RFX7: variants seen among roughly 807,000 people sequenced by gnomAD.
RFX7 encodes the protein regulatory factor X7, also known as DNA-binding protein RFX7.
A neutral mutation model predicts 111.8 loss-of-function variants in RFX7; 26 were observed. The observed-to-expected ratio is 0.23, with a 90% CI of 0.17 to 0.32. RFX7 has a LOEUF of 0.32. Ranked by LOEUF, RFX7 falls within the 10% of genes least tolerant of loss-of-function variation. The probability of loss-of-function intolerance (pLI) is 1.00; values close to 1 mark genes in which losing one functional copy is unlikely to be tolerated. For synonymous variants in RFX7, 624 were observed against 624.4 expected (o/e 1.00, Z 0.01); for missense variants, 1,573 against 1,772.9 (o/e 0.89, Z 2.02).
rs548534431 is a variant in RFX7, at chr15:56,139,033, C to G, written c.401+3745G>C. The stretch of plus-strand genomic sequence containing the variant: ...ATTGAGGGTAACCCGACCTTTCTCT[C>G]TGGCTGCCCTTAACATTTTTTCCTT... On this transcript the variant is annotated intron_variant, in intron 5 of 9. Transcript: ENST00000559447. Among the ~76,000 whole-genome samples, 18 of 151,604 alleles carry G rather than the reference C, an allele frequency of 1.2e-4. No homozygotes were observed. The South Asian group carries it at 2.1e-3, about 18-fold the overall frequency.
At chr15:56,203,385 T>C (rs2043214462) in intron 2 of RFX7, among the ~76,000 whole-genome samples, 1 of 152,140 alleles carries the variant, frequency 6.6e-6, no homozygotes, top group East Asian at 1.9e-4. Flanking sequence ...TGAGCCAGGA[T>C]TTTAATATTG....
chr15:56,133,995 G>C (rs1048158709), intron 5 of RFX7, among the ~76,000 whole-genome samples: 5 of 152,030 alleles, frequency 3.3e-5, no homozygotes, highest in Non-Finnish European at 4.4e-5. Context: ...CATACTCTGA[G>C]CTGCTTATTT....
intron 2 of RFX7, among the ~76,000 whole-genome samples, chr15:56,197,130 T>C (rs1266776781): frequency 6.6e-6 from 1 of 152,176 alleles, no homozygotes; most frequent in African/African-American, 2.4e-5. Flanking sequence ...TAATCAGTGA[T>C]GTTGAACACC....
chr15:56,177,669 G>C (rs545775566), intron 3 of RFX7, among the ~76,000 whole-genome samples: 50 of 152,260 alleles, frequency 3.3e-4, no homozygotes, highest in African/African-American at 1.0e-3. Context: ...AGAAAAAAGT[G>C]AGTGATCCTC....
At chr15:56,213,477 T>C (rs1449764059) in intron 2 of RFX7, among the ~76,000 whole-genome samples, 1 of 152,182 alleles carries the variant, frequency 6.6e-6, no homozygotes, top group Non-Finnish European at 1.5e-5. Context: ...ATTCTTGAAG[T>C]GACAAAAGCT....
intron 2 of RFX7, among the ~76,000 whole-genome samples, chr15:56,222,467 T>A (rs2043437555): frequency 6.6e-6 from 1 of 152,246 alleles, no homozygotes; most frequent in Non-Finnish European, 1.5e-5. Context: ...CAGTATCTAT[T>A]CTTCTGGGAC....
intron 2 of RFX7, among the ~76,000 whole-genome samples, chr15:56,208,185 A>G (rs1301517148): frequency 1.3e-5 from 2 of 152,190 alleles, no homozygotes; most frequent in Non-Finnish European, 2.9e-5. Context: ...AAATATGCCA[A>G]AGCATTCTGT....
rs530364107 is a variant in RFX7, at chr15:56,204,152, T to C, written c.162-24849A>G. Among the ~76,000 whole-genome samples the C allele has an allele frequency of 1.3e-3, 195 of 151,836 alleles. 1 individual carries two copies. Among genetic ancestry groups the C allele is most frequent in the African/African-American group, 4.6e-3 (189 of 41,384 alleles). ...TCTCCTGCCTCAGCCTCCGAGTAGC[T>C]GGGATTACAGGTGCGTACCACCACG... On this transcript the variant is annotated intron_variant, in intron 2 of 9. Coordinates refer to ENST00000559447, the MANE Select transcript of RFX7 (RefSeq NM_022841.7).
intron 2 of RFX7, among the ~76,000 whole-genome samples, chr15:56,179,761 AAC>A (rs58597217): frequency 0.16 from 21,995 of 136,582 alleles, 1,837 homozygotes; most frequent in East Asian, 0.26. Flanking sequence ...TCTCTGTCTC[AAC>A]ACACACACAC....
rs16976834 is a variant in RFX7, at chr15:56,235,630, T to C, written c.161+7495A>G. On this transcript the variant is annotated intron_variant, in intron 2 of 9. Transcript: ENST00000559447. ...AGATAGCCATTGCTGTAATGCTTCA[T>C]CTATAAGAGAGCTCAAATTAAAAAT... 5.2e-3 allele frequency among the ~76,000 whole-genome samples: 790 copies of C among 152,274 alleles called. 6 individuals carry two copies. Among genetic ancestry groups the C allele is most frequent in the African/African-American group, 0.018 (755 of 41,558 alleles).
In RFX7 at chr15:56,144,472, C is replaced by T; in HGVS notation, c.207G>A (p.Glu69=). Residue 69 remains glutamate (E), a synonymous_variant, in exon 4 of 10, where the codon GAG becomes GAA. Coordinates refer to ENST00000559447, the MANE Select transcript of RFX7 (RefSeq NM_022841.7). Reference sequence around the variant, plus strand: ...AGAGTTTCTCTAGGTCTGTAAACTTCTCAACTTCTTGCTATTTACAAAGGA... The same window carrying T: ...AGAGTTTCTCTAGGTCTGTAAACTTTTCAACTTCTTGCTATTTACAAAGGA... The part of the protein sequence containing the change: ...SKVDCILQEV[E]KFTDLEKLYL... 1 of 1,363,516 alleles carries T rather than the reference C, an allele frequency of 7.3e-7. No homozygotes were observed. Among genetic ancestry groups the T allele is most frequent in the East Asian group, 4.6e-5 (1 of 21,974 alleles). The allele number at this position is 1,363,516 out of a possible 1,614,324, so 84.5% of individuals were successfully genotyped here.
At chr15:56,200,616 T>C (rs1356716709) in intron 2 of RFX7, among the ~76,000 whole-genome samples, 1 of 152,062 alleles carries the variant, frequency 6.6e-6, no homozygotes, top group Non-Finnish European at 1.5e-5. Flanking sequence ...CTAGCCAACA[T>C]GGTAAAACCC....
Position 56,243,568 on chromosome 15 carries a change from C to A in RFX7, c.-126G>T. ...CATGGCGGCGCCCCTCAGCCCCCCG[C>A]TGGCGCCGCCGCCTCCTCCCGTCAG... On this transcript the variant is annotated 5_prime_UTR_variant, in exon 1 of 10. Transcript: ENST00000559447. The A allele has an allele frequency of 1.1e-6, 1 of 930,218 alleles. No individual in the cohort carries two copies. The highest frequency in any genetic ancestry group is 1.3e-6 in the Non-Finnish European group (1 of 781,608). The allele number at this position is 930,218 out of a possible 1,614,324, so 57.6% of individuals were successfully genotyped here. A position where few individuals can be genotyped will look rare whatever the true frequency, so the allele number is the denominator to read the frequency against.
At chr15:56,146,229 T>G (rs62044108) in intron 3 of RFX7, among the ~76,000 whole-genome samples, 2 of 152,144 alleles carry the variant, frequency 1.3e-5, no homozygotes, top group South Asian at 4.1e-4. Flanking sequence ...TCCCAAGTAG[T>G]TGGGGCCAGA....
chr15:56,214,262 G>A (rs138879909), intron 2 of RFX7, among the ~76,000 whole-genome samples: 1 of 152,040 alleles, frequency 6.6e-6, no homozygotes, highest in African/African-American at 2.4e-5. Flanking sequence ...CTTAAAATCA[G>A]ACTGTCAGGT....
chr15:56,101,477 C>A lies in RFX7; in HGVS notation c.693G>T (p.Gln231His). Residue 231 changes from glutamine to histidine, a missense_variant, in exon 8 of 10, where the codon CAG becomes CAT. Gln to His is a conservative substitution (Grantham distance 24). Around this residue, in one of 7 missense-constraint regions of RFX7, gnomAD observed 288 missense variants for 337.9 expected, o/e 0.85. Transcript: ENST00000559447. ...TGTCAAATGGTTGGCTTAACACTTTCTGGGCCCACTCACACACAAGACGGC... is the reference window on the plus strand; with the variant it reads ...TGTCAAATGGTTGGCTTAACACTTTATGGGCCCACTCACACACAAGACGGC... ...SACRLVCEWAQKVLSQPFDTV... is the reference protein window; with the variant it reads ...SACRLVCEWAHKVLSQPFDTV... 1 of 1,613,710 alleles carries A rather than the reference C, an allele frequency of 6.2e-7. No homozygotes were observed. The highest frequency in any genetic ancestry group is 8.5e-7 in the Non-Finnish European group (1 of 1,179,788).
intron 3 of RFX7, among the ~76,000 whole-genome samples, chr15:56,172,180 G>C (rs1253783388): frequency 1.3e-5 from 2 of 152,024 alleles, no homozygotes; most frequent in African/African-American, 4.8e-5. Context: ...AGCAGTGAGG[G>C]GTCATGGTAT....
intron 2 of RFX7, among the ~76,000 whole-genome samples, chr15:56,224,605 G>A (rs1325411255): frequency 6.6e-6 from 1 of 151,918 alleles, no homozygotes; most frequent in South Asian, 2.1e-4. Flanking sequence ...ACATTTTAAT[G>A]ACTACATAGC....
At chr15:56,226,011 G>A (rs530897170) in intron 2 of RFX7, among the ~76,000 whole-genome samples, 97 of 151,872 alleles carry the variant, frequency 6.4e-4, no homozygotes, top group African/African-American at 2.2e-3. Context: ...AAAAGAGGAC[G>A]GGAAAAGGGT....
Sources: gnomAD v4.1 joint callset for allele counts (sites outside exome capture counted in the v4.1 genomes callset) on GRCh38, gnomAD v4.1.1 for gene constraint, gnomAD v4.1.1 regional missense constraint, MANE v1.5 for transcripts, NCBI Gene and HGNC (gene_info 2026-07-23, HGNC 2026-07-21) for gene names.